The following SEMA5B variants were observed in gnomAD, a reference collection of about 807,000 sequenced individuals.
The protein encoded by SEMA5B is semaphorin 5B, also known as semaphorin-5B.
A neutral mutation model predicts 135.0 loss-of-function variants in SEMA5B; 66 were observed. That is an observed-to-expected ratio of 0.49 (90% CI 0.40 to 0.60). SEMA5B has a LOEUF of 0.60. SEMA5B is among the 20% of genes least tolerant of loss of function. The probability of loss-of-function intolerance (pLI) is 0.00; values close to 1 mark genes in which losing one functional copy is unlikely to be tolerated. For missense variants in SEMA5B, 1,501 were observed against 1,566.3 expected (o/e 0.96, Z 0.70); for synonymous variants, 690 against 639.5 (o/e 1.08, Z -1.19).
chr3:122,932,243 A>ATTTTTTT lies in SEMA5B; in HGVS notation c.475-3192_475-3186dup, dbSNP rs71136597. Among the ~76,000 whole-genome samples the ATTTTTTT allele has an allele frequency of 1.1e-3, 95 of 85,384 alleles. 15 individuals are homozygous for ATTTTTTT. The highest frequency in any genetic ancestry group is 1.2e-3 in the Non-Finnish European group (58 of 46,978). 56.0% of individuals were successfully genotyped at this position (85,384 alleles called of 152,430 possible). A position where few individuals can be genotyped will look rare whatever the true frequency, so the allele number is the denominator to read the frequency against. On this transcript the variant is annotated intron_variant, in intron 5 of 22. Coordinates refer to ENST00000357599, the MANE Select transcript of SEMA5B (RefSeq NM_001031702.4). ...GGTCTTACACATCCCTCTCAATATG[A>ATTTTTTT]TTTTTTTTTTTTTTTTTTTTTTTTT...
Position 122,912,885 on chromosome 3 carries a change from C to T in SEMA5B, c.2683G>A (p.Asp895Asn), listed in dbSNP as rs750592026. The T allele has an allele frequency of 1.9e-6, 3 of 1,607,500 alleles. No homozygotes were observed. Among genetic ancestry groups the T allele is most frequent in the Non-Finnish European group, 2.5e-6 (3 of 1,176,704 alleles). ...TTGCAGTCCTGGTACTCGGCAGCAT[C>T]GCCCACGCAGGGCAGGCCCCCGTTG... The part of the protein sequence containing the change: ...PRNGGLPCVG[D>N]AAEYQDCNPQ... The change falls in exon 18 of 23, where the codon GAT becomes AAT. Residue 895 changes from aspartate (D) to asparagine (N), a missense_variant. Physicochemically the swap from Asp to Asn is conservative, Grantham distance 23 (BLOSUM62 1). Around this residue, in one of 2 missense-constraint regions of SEMA5B, gnomAD observed 927 missense variants for 881.6 expected, o/e 1.05. Transcript: ENST00000357599.
At chr3:122,983,444 C>T (rs979931488) in intron 1 of SEMA5B, among the ~76,000 whole-genome samples, 3 of 151,648 alleles carry the variant, frequency 2.0e-5, no homozygotes, top group African/African-American at 7.3e-5. Context: ...ATAAATCATC[C>T]GCGGGGCGGG....
intron 10 of SEMA5B, 34 bp downstream of exon 10, chr3:122,923,583 T>C: frequency 1.2e-6 from 2 of 1,612,750 alleles, no homozygotes; most frequent in Non-Finnish European, 1.7e-6. Context: ...TAAGGCAGTG[T>C]GTGAAGACAG....
chr3:122,988,980 G>A (rs535560833), intron 1 of SEMA5B, among the ~76,000 whole-genome samples: 2 of 152,252 alleles, frequency 1.3e-5, no homozygotes, highest in African/African-American at 2.4e-5. Flanking sequence ...GAATCCCATC[G>A]CGTAATCCCA....
intron 1 of SEMA5B, among the ~76,000 whole-genome samples, chr3:122,987,307 A>G (rs1337921411): frequency 6.6e-6 from 1 of 152,216 alleles, no homozygotes; most frequent in Non-Finnish European, 1.5e-5. Context: ...GACAGGGACA[A>G]AAGTTCTACT....
At chr3:123,023,112 T>C (rs1290655980) in intron 1 of SEMA5B, among the ~76,000 whole-genome samples, 1 of 152,158 alleles carries the variant, frequency 6.6e-6, no homozygotes, top group Non-Finnish European at 1.5e-5. Flanking sequence ...AATCCAGGTG[T>C]TGTCCACACA....
chr3:122,938,750 A>T (rs1224645481), intron 5 of SEMA5B, among the ~76,000 whole-genome samples: 1 of 152,220 alleles, frequency 6.6e-6, no homozygotes, highest in Non-Finnish European at 1.5e-5. Context: ...CTCATTGAAG[A>T]AGAGATGGCC....
chr3:123,025,163 A>T (rs1942769768), intron 1 of SEMA5B, among the ~76,000 whole-genome samples: 1 of 152,222 alleles, frequency 6.6e-6, no homozygotes, highest in East Asian at 1.9e-4. Flanking sequence ...CTAGTCTGGC[A>T]CTAGAAGTGG....
chr3:122,996,414 C>T (rs1348348893), intron 1 of SEMA5B, among the ~76,000 whole-genome samples: 1 of 152,242 alleles, frequency 6.6e-6, no homozygotes, highest in Non-Finnish European at 1.5e-5. Context: ...CTCCCTCTCT[C>T]CCCAGCTCAG....
In SEMA5B at chr3:122,928,970, G is replaced by A. The variant is rs753106787; in HGVS notation, c.537+26C>T. ...AGGCCTCCTTCCAGCTCCAGGTGGG[G>A]CCCCTGGACCGCCGAGACCACGTAC... On this transcript the variant is annotated intron_variant, in intron 6 of 22. Transcript: ENST00000357599. 50 of 1,608,888 alleles carry A rather than the reference G, an allele frequency of 3.1e-5. 1 individual carries two copies. The Admixed American group carries it at 4.2e-4, about 13-fold the overall frequency.
intron 2 of SEMA5B, among the ~76,000 whole-genome samples, chr3:122,959,486 T>C (rs1313595472): frequency 6.6e-6 from 1 of 152,224 alleles, no homozygotes; most frequent in Non-Finnish European, 1.5e-5. Flanking sequence ...GAAAATCTCA[T>C]AAACATGGTC....
At chr3:123,020,781 AG>A (rs1942656939) in intron 1 of SEMA5B, among the ~76,000 whole-genome samples, 1 of 152,200 alleles carries the variant, frequency 6.6e-6, no homozygotes, top group African/African-American at 2.4e-5. Flanking sequence ...AAAGCTCTGC[AG>A]GTGGTTTTTA....
At chr3:123,016,960 C>T (rs76191855) in intron 1 of SEMA5B, among the ~76,000 whole-genome samples, 3,091 of 146,734 alleles carry the variant, frequency 0.021, 101 homozygotes, top group East Asian at 0.16. Context: ...GGCGCGATCT[C>T]GGCTCACTGC....
chr3:122,957,424 T>G (rs1159443796), intron 2 of SEMA5B, among the ~76,000 whole-genome samples: 1 of 152,230 alleles, frequency 6.6e-6, no homozygotes, highest in Non-Finnish European at 1.5e-5. Context: ...GGAAGCCGTG[T>G]GGCCCACAGA....
Position 123,009,330 on chromosome 3 carries a change from T to G in SEMA5B, c.-39+18134A>C, listed in dbSNP as rs779454345. Among the ~76,000 whole-genome samples the G allele has an allele frequency of 2.6e-5, 4 of 152,132 alleles. No individual in the cohort carries two copies. In the South Asian group the frequency reaches 8.3e-4, roughly 32 times the overall value. On this transcript the variant is annotated intron_variant, in intron 1 of 22. Coordinates refer to ENST00000357599, the MANE Select transcript of SEMA5B (RefSeq NM_001031702.4). ...TGGGGGTGTCTTTAGGCGAGGGGAC[T>G]GTGGGTAAGGGAAGGGTCTGTGTTA...
In SEMA5B at chr3:122,919,432, C is replaced by T. The variant is rs527778602; in HGVS notation, c.1688+2483G>A. On this transcript the variant is annotated intron_variant, in intron 12 of 22. Transcript: ENST00000357599. ...GCCAGGCCAGGTCTTGGAGGTGCCC[C>T]GTGGGGCTGAGATTCTCCTGAGTGA... Among the ~76,000 whole-genome samples, 24 of 152,242 alleles carry T rather than the reference C, an allele frequency of 1.6e-4. No individual in the cohort carries two copies. In the East Asian group the frequency reaches 3.9e-3, roughly 25 times the overall value.
Position 122,922,002 on chromosome 3 carries a change from A to G in SEMA5B, c.1601T>C (p.Leu534Pro), listed in dbSNP as rs1302488348. ...CACGAAGAGCGCGCGGGCGCTGTGC[A>G]GGATGCGCAGGCTGCGCAGGGGCTC... ...RREPLRSLRI[L>P]HSARALFVGL... Residue 534 changes from leucine to proline, a missense_variant, in exon 12 of 23, where the codon CTG (leucine) becomes CCG (proline). Leu to Pro is a moderately conservative substitution (Grantham distance 98). Transcript: ENST00000357599. 1 of 1,529,140 alleles carries G rather than the reference A, an allele frequency of 6.5e-7. No homozygotes were observed. The highest frequency in any genetic ancestry group is 8.8e-7 in the Non-Finnish European group (1 of 1,141,142). 94.7% of individuals were successfully genotyped at this position (1,529,140 alleles called of 1,614,324 possible).
chr3:122,963,651 CAGCTGT>C (rs1420628714), intron 1 of SEMA5B, among the ~76,000 whole-genome samples: 1 of 152,126 alleles, frequency 6.6e-6, no homozygotes, highest in Non-Finnish European at 1.5e-5. Context: ...GTTGGGGAGC[CAGCTGT>C]AGCAGATAAG....
At chr3:123,024,670 A>T (rs2107845511) in intron 1 of SEMA5B, among the ~76,000 whole-genome samples, 1 of 152,354 alleles carries the variant, frequency 6.6e-6, no homozygotes, top group South Asian at 2.1e-4. Flanking sequence ...CCAAGGGCCC[A>T]ACAGGTCAGA....
Sources: gnomAD v4.1 joint callset for allele counts (sites outside exome capture counted in the v4.1 genomes callset) on GRCh38, gnomAD v4.1.1 for gene constraint, gnomAD v4.1.1 regional missense constraint, MANE v1.5 for transcripts, NCBI Gene and HGNC (gene_info 2026-07-23, HGNC 2026-07-21) for gene names.